Variants in MSI2 observed in about 807,000 individuals in gnomAD.
MSI2 encodes the protein musashi RNA binding protein 2.
MSI2 carries 17 observed loss-of-function variants against 45.6 expected under a neutral mutation model. The observed-to-expected ratio is 0.37, with a 90% confidence interval of 0.26 to 0.56. The LOEUF (loss-of-function observed/expected upper bound fraction) is 0.56. Ranked by LOEUF, MSI2 falls within the 20% of genes least tolerant of loss-of-function variation. The probability of loss-of-function intolerance (pLI) is 0.77; values close to 1 mark genes in which losing one functional copy is unlikely to be tolerated. For synonymous variants in MSI2, 156 were observed against 158.2 expected (o/e 0.99, Z 0.11); for missense variants, 293 against 444.2 (o/e 0.66, Z 3.06).
intron 5 of MSI2, among the ~76,000 whole-genome samples, chr17:57,307,499 T>C (rs547876488): frequency 6.6e-6 from 1 of 150,678 alleles, no homozygotes; most frequent in South Asian, 2.1e-4. Context: ...ATCTCAGCCC[T>C]CCGCAACCTC....
intron 7 of MSI2, among the ~76,000 whole-genome samples, chr17:57,565,368 G>A (rs1245673501): frequency 6.6e-6 from 1 of 152,218 alleles, no homozygotes; most frequent in Non-Finnish European, 1.5e-5. Context: ...GATCCTGCCT[G>A]TAGTTTCTCA....
At chr17:57,603,166 C>T (rs919631629) in intron 8 of MSI2, among the ~76,000 whole-genome samples, 5 of 152,218 alleles carry the variant, frequency 3.3e-5, no homozygotes, top group African/African-American at 1.2e-4. Flanking sequence ...CCGAAGATCT[C>T]CCAGAGGAAG....
At chr17:57,498,677 C>T (rs1274098876) in intron 6 of MSI2, among the ~76,000 whole-genome samples, 6 of 152,162 alleles carry the variant, frequency 3.9e-5, no homozygotes, top group African/African-American at 1.4e-4. Context: ...TTTTGAGGAT[C>T]GTTGGGTAGA....
chr17:57,454,832 C>T (rs2085082595), intron 6 of MSI2, among the ~76,000 whole-genome samples: 1 of 152,198 alleles, frequency 6.6e-6, no homozygotes, highest in East Asian at 1.9e-4. Context: ...GAGCTCTTCA[C>T]TAGATTAAAG....
chr17:57,400,559 A>C (rs2083970843), intron 5 of MSI2, among the ~76,000 whole-genome samples: 1 of 152,136 alleles, frequency 6.6e-6, no homozygotes, highest in African/African-American at 2.4e-5. Flanking sequence ...AAGTAACTTC[A>C]CACAAGGTGG....
At chr17:57,312,536 A>G (rs1259296386) in intron 5 of MSI2, among the ~76,000 whole-genome samples, 4 of 152,144 alleles carry the variant, frequency 2.6e-5, no homozygotes, top group Non-Finnish European at 5.9e-5. Context: ...TGTAACCTTC[A>G]AAAGAGCAAA....
At chr17:57,263,425 C>T (rs1907500497) in intron 5 of MSI2, 2 of 152,198 alleles carry the variant, frequency 1.3e-5, no homozygotes, top group Admixed American at 1.3e-4. Flanking sequence ...TTAGCACAAA[C>T]TTTGGAATTG....
intron 5 of MSI2, among the ~76,000 whole-genome samples, chr17:57,301,281 C>T (rs149243966): frequency 2.6e-5 from 4 of 152,188 alleles, no homozygotes; most frequent in Non-Finnish European, 5.9e-5. Flanking sequence ...AAGTACTGAG[C>T]ACCCTTAAGA....
At chr17:57,374,704 AG>A (rs1309124240) in intron 5 of MSI2, among the ~76,000 whole-genome samples, 1 of 152,160 alleles carries the variant, frequency 6.6e-6, no homozygotes, top group African/African-American at 2.4e-5. Flanking sequence ...GCTTGAACCC[AG>A]GAGGCAGAGG....
At chr17:57,563,117 A>AAC (rs1567901852) in intron 7 of MSI2, among the ~76,000 whole-genome samples, 1 of 151,688 alleles carries the variant, frequency 6.6e-6, no homozygotes, top group Non-Finnish European at 1.5e-5. Flanking sequence ...AAAAAAAAAA[A>AAC]AAAACAGTGC....
chr17:57,559,144 CAT>C (rs2087513366), intron 7 of MSI2, among the ~76,000 whole-genome samples: 1 of 152,198 alleles, frequency 6.6e-6, no homozygotes, highest in Non-Finnish European at 1.5e-5. Flanking sequence ...ACAAAAGCAG[CAT>C]TACCTACACC....
At chr17:57,618,775 C>T (rs1907989596) in intron 9 of MSI2, among the ~76,000 whole-genome samples, 1 of 152,174 alleles carries the variant, frequency 6.6e-6, no homozygotes, top group Non-Finnish European at 1.5e-5. Context: ...ATCTCTTGAC[C>T]TTGTGATCCA....
rs773238542 is a variant in MSI2 at position 57,321,562 on chromosome 17, A to G, written c.312+59370A>G. 3.9e-5 allele frequency among the ~76,000 whole-genome samples: 6 copies of G among 152,138 alleles called. 1 individual carries two copies. On this transcript the variant is annotated intron_variant, in intron 5 of 13. Coordinates refer to ENST00000284073, the MANE Select transcript of MSI2 (RefSeq NM_138962.4). The stretch of plus-strand genomic sequence containing the variant: ...GAATCCATGCTGAGCTTTCTCTTGG[A>G]CTAGGCCAGAAGAGCTCCCTGCAGC...
At chr17:57,271,341 G>A (rs1193413870) in intron 5 of MSI2, among the ~76,000 whole-genome samples, 1 of 152,156 alleles carries the variant, frequency 6.6e-6, no homozygotes, top group East Asian at 1.9e-4. Flanking sequence ...AGGGTTTTGT[G>A]TGCAAGGACC....
chr17:57,393,897 G>C (rs1375960719), intron 5 of MSI2, among the ~76,000 whole-genome samples: 2 of 152,122 alleles, frequency 1.3e-5, no homozygotes, highest in Non-Finnish European at 2.9e-5. Flanking sequence ...GGCCAGGCTA[G>C]TCTCAAACTA....
intron 8 of MSI2, among the ~76,000 whole-genome samples, chr17:57,610,409 G>A (rs182091168): frequency 5.9e-4 from 89 of 152,032 alleles, no homozygotes; most frequent in African/African-American, 2.0e-3. Flanking sequence ...CTGAGGTCAC[G>A]CCACTGCACT....
chr17:57,620,909 C>G (rs774742183), intron 9 of MSI2, among the ~76,000 whole-genome samples: 31 of 152,312 alleles, frequency 2.0e-4, no homozygotes, highest in Admixed American at 6.5e-4. Flanking sequence ...ACAGGCCTCC[C>G]CAGCCATCAC....
intron 5 of MSI2, among the ~76,000 whole-genome samples, chr17:57,295,822 G>C (rs1910873993): frequency 6.6e-6 from 1 of 152,078 alleles, no homozygotes; most frequent in Admixed American, 6.6e-5. Context: ...CGAAAAGAAG[G>C]GTCTTTGAGA....
At chr17:57,610,009 G>A (rs1907069086) in intron 8 of MSI2, among the ~76,000 whole-genome samples, 1 of 152,192 alleles carries the variant, frequency 6.6e-6, no homozygotes, top group African/African-American at 2.4e-5. Context: ...TAGCTATAAA[G>A]GTCATTATCG....
Sources: gnomAD v4.1 joint callset for allele counts (sites outside exome capture counted in the v4.1 genomes callset) on GRCh38, gnomAD v4.1.1 for gene constraint, MANE v1.5 for transcripts, NCBI Gene and HGNC (gene_info 2026-07-23, HGNC 2026-07-21) for gene names.